ARID3A: variants seen among roughly 807,000 people sequenced by gnomAD.
ARID3A encodes the protein AT-rich interactive domain-containing protein 3A.
ARID3A carries 11 observed loss-of-function variants against 52.7 expected under a neutral mutation model. The observed-to-expected ratio is 0.21, with a 90% CI of 0.13 to 0.35. The LOEUF is 0.35. Among genes scored for constraint, ARID3A ranks in the 10% least tolerant of loss-of-function variants. ARID3A has a pLI of 1.00. For missense variants in ARID3A, 721 were observed against 838.5 expected (o/e 0.86, Z 1.73); for synonymous variants, 404 against 359.4 (o/e 1.12, Z -1.40).
intron 3 of ARID3A, among the ~76,000 whole-genome samples, chr19:946,887 G>C (rs939579560): frequency 1.3e-5 from 2 of 152,006 alleles, no homozygotes; most frequent in Non-Finnish European, 2.9e-5. Flanking sequence ...TCGAGCTCCT[G>C]GGCTCACGTG....
At chr19:956,240 C>T (rs777682689) in intron 3 of ARID3A, among the ~76,000 whole-genome samples, 10 of 152,152 alleles carry the variant, frequency 6.6e-5, no homozygotes, top group African/African-American at 1.2e-4. Context: ...CTGGCAAGCT[C>T]GTCCTGTCCC....
At chr19:937,409 A>G (rs2037459281) in intron 3 of ARID3A, among the ~76,000 whole-genome samples, 1 of 151,874 alleles carries the variant, frequency 6.6e-6, no homozygotes, top group Admixed American at 6.6e-5. Flanking sequence ...GCTGAGTCAT[A>G]CTCCGCTGGA....
In ARID3A at chr19:964,995, C is replaced by A; in HGVS notation, c.1113C>A (p.Ser371=). The A allele has an allele frequency of 6.2e-7, 1 of 1,613,810 alleles. No individual in the cohort carries two copies. Among genetic ancestry groups the A allele is most frequent in the Non-Finnish European group, 8.5e-7 (1 of 1,179,998 alleles). ...YSPGGAHGML[S]SPKLPVSSLG... ...CAGGCGGGGCACACGGCATGCTCTC[C>A]TCACCCAAGCTACCCGTGTCCTCCC... is the stretch of plus-strand genomic sequence containing the variant. The change falls in exon 6 of 9, where the codon TCC becomes TCA. Residue 371 remains serine (S), a synonymous_variant. Transcript: ENST00000263620. This position sits in a 1 kb window ranked among gnomAD's most constrained non-coding sequence, Gnocchi z 5.7.
chr19:947,093 C>T lies in ARID3A; in HGVS notation c.694-12999C>T, dbSNP rs965976215. ...CAAAGGTGGGAGCCACTGTGCCCAG[C>T]CCACACTGAGATTCTGCATTGAAAT... On this transcript the variant is annotated intron_variant, in intron 3 of 8. Transcript: ENST00000263620. This position sits in a 1 kb window ranked among gnomAD's most constrained non-coding sequence, Gnocchi z 6.3. Among the ~76,000 whole-genome samples, 15 of 152,116 alleles carry T rather than the reference C, an allele frequency of 9.9e-5. No homozygotes were observed. Among genetic ancestry groups the T allele is most frequent in the Non-Finnish European group, 1.8e-4 (12 of 68,016 alleles).
rs753131507 is a variant in ARID3A at position 971,933 on chromosome 19, A to AGGC, written c.1666_1668dup (p.Gly556dup). The AGGC allele has an allele frequency of 4.5e-5, 71 of 1,583,414 alleles. No homozygotes were observed. The East Asian group carries it at 5.6e-4, about 13-fold the overall frequency. On this transcript the variant is annotated inframe_insertion, in exon 9 of 9. Coordinates refer to ENST00000263620, the MANE Select transcript of ARID3A (RefSeq NM_005224.3). ...CGCCAACCTCTGCTCCCAACAAAGG[A>AGGC]GGCGGCGGCGGCGGCGGCAGCAGCA...
rs1819233025 is a variant in ARID3A at position 941,057 on chromosome 19, G to A, written c.693+8315G>A. ...GTCGGGTCACCGCCGCGGGGTCACC[G>A]CCGCCGCGGCCTGGCCCCACGCCCA... On this transcript the variant is annotated intron_variant, in intron 3 of 8. Coordinates refer to ENST00000263620, the MANE Select transcript of ARID3A (RefSeq NM_005224.3). The surrounding 1 kb of genome is among the most constrained non-coding windows in gnomAD (Gnocchi z 6.9). 6.6e-6 allele frequency among the ~76,000 whole-genome samples: 1 copy of A among 152,060 alleles called. No individual in the cohort carries two copies. Among genetic ancestry groups the A allele is most frequent in the Admixed American group, 6.5e-5 (1 of 15,276 alleles).
At chr19:945,950 G>T (rs2037670031) in intron 3 of ARID3A, among the ~76,000 whole-genome samples, 1 of 152,196 alleles carries the variant, frequency 6.6e-6, no homozygotes, top group African/African-American at 2.4e-5. Context: ...GGTCCCGTCT[G>T]CAGGGAACCC....
intron 3 of ARID3A, among the ~76,000 whole-genome samples, chr19:939,629 C>G (rs1307115383): frequency 6.6e-6 from 1 of 152,078 alleles, no homozygotes; most frequent in Non-Finnish European, 1.5e-5. Flanking sequence ...GGAGGTTCCT[C>G]CCGCCGCTGC....
rs200258163 is a variant in ARID3A, at chr19:970,505, T to TC, written c.1595-1373_1595-1372insC. On this transcript the variant is annotated intron_variant, in intron 8 of 8. Transcript: ENST00000263620. ...AGTAAATGAATAGTTTTTCTTTTTTTTTTTTTTTTTTTTTTTTTTTGAGAC... is the reference window on the plus strand; with the variant it reads ...AGTAAATGAATAGTTTTTCTTTTTTTCTTTTTTTTTTTTTTTTTTTTGAGAC... Among the ~76,000 whole-genome samples, 1,061 of 134,500 alleles carry TC rather than the reference T, an allele frequency of 7.9e-3. 48 individuals are homozygous for TC. The highest frequency in any genetic ancestry group is 0.052 in the Admixed American group (698 of 13,382). The allele number at this position is 134,500 out of a possible 152,430, so 88.2% of individuals were successfully genotyped here.
At position 941,826 on chromosome 19, in the gene ARID3A, G is replaced by A. The variant is rs962821929; in HGVS notation, c.693+9084G>A. On this transcript the variant is annotated intron_variant, in intron 3 of 8. Transcript: ENST00000263620. This position sits in a 1 kb window ranked among gnomAD's most constrained non-coding sequence, Gnocchi z 6.9. ...GTGTGTGTCAGGGGTGGCTGCAAGC[G>A]TATGTGTGTGTGCACGTCGAGGCTG... is the stretch of plus-strand genomic sequence containing the variant. Among the ~76,000 whole-genome samples, 12 of 116,932 alleles carry A rather than the reference G, an allele frequency of 1.0e-4. No homozygotes were observed. The highest frequency in any genetic ancestry group is 4.4e-4 in the Admixed American group (5 of 11,454). The allele number at this position is 116,932 out of a possible 152,430, so 76.7% of individuals were successfully genotyped here.
rs1051323226 is a variant in ARID3A, at chr19:941,687, A to G, written c.693+8945A>G. Among the ~76,000 whole-genome samples the G allele has an allele frequency of 6.6e-6, 1 of 151,892 alleles. No individual in the cohort carries two copies. Among genetic ancestry groups the G allele is most frequent in the Admixed American group, 6.6e-5 (1 of 15,232 alleles). ...GCCTGGTCTCAAACTCCTGGGCTCA[A>G]GTGATCCTCCCGCCTCGGTCTCTGA... On this transcript the variant is annotated intron_variant, in intron 3 of 8. Coordinates refer to ENST00000263620, the MANE Select transcript of ARID3A (RefSeq NM_005224.3). The surrounding 1 kb of genome is among the most constrained non-coding windows in gnomAD (Gnocchi z 6.9).
rs1189207933 is a variant in ARID3A, at chr19:932,759, CGCGTG to C, written c.693+21_693+25del. 6.5e-7 allele frequency: 1 copy of C among 1,546,208 alleles called. No homozygotes were observed. Among genetic ancestry groups the C allele is most frequent in the African/African-American group, 1.4e-5 (1 of 72,736 alleles). On this transcript the variant is annotated intron_variant, in intron 3 of 8. Transcript: ENST00000263620. ...TTTAAGCAGGTGAGTGGGCGCGTCC[CGCGTG>C]GCGGCTGAGGCACCTGCTCCTGGGC...
At chr19:948,266 T>C (rs1358194816) in intron 3 of ARID3A, among the ~76,000 whole-genome samples, 2 of 150,500 alleles carry the variant, frequency 1.3e-5, no homozygotes, top group Non-Finnish European at 3.0e-5. Flanking sequence ...CAGGAGGTGC[T>C]CAATAATGGC....
At chr19:951,217 A>C (rs1442525148) in intron 3 of ARID3A, among the ~76,000 whole-genome samples, 1 of 151,170 alleles carries the variant, frequency 6.6e-6, no homozygotes, top group Non-Finnish European at 1.5e-5. Context: ...TTGGCCTCCC[A>C]ACGTGCTGGG....
Position 932,340 on chromosome 19 carries a change from G to C in ARID3A, c.369-78G>C, listed in dbSNP as rs732140. The C allele has an allele frequency of 1.5e-3, 2,407 of 1,559,428 alleles. 32 individuals carry two copies. In the African/African-American group the frequency reaches 0.031, roughly 20 times the overall value. ...ATTTCCAGAGAGGGAAACTGAGGCT[G>C]GGCGGGGAGTGGGTCTTTCCTTGGG... is the stretch of plus-strand genomic sequence containing the variant. On this transcript the variant is annotated intron_variant, in intron 2 of 8. Transcript: ENST00000263620.
At chr19:951,893 C>T (rs764051092) in intron 3 of ARID3A, among the ~76,000 whole-genome samples, 9 of 151,266 alleles carry the variant, frequency 5.9e-5, no homozygotes, top group Non-Finnish European at 1.0e-4. Context: ...CCCAGCACTT[C>T]GAGAGGCAGA....
chr19:936,366 G>A (rs962301147), intron 3 of ARID3A, among the ~76,000 whole-genome samples: 1 of 151,932 alleles, frequency 6.6e-6, no homozygotes, highest in Non-Finnish European at 1.5e-5. Flanking sequence ...CAGCCTGGGC[G>A]GTATAGCAAG....
rs1339690164 is a variant in ARID3A, at chr19:964,577, G to C, written c.950+146G>C. 6 of 1,252,212 alleles carry C rather than the reference G, an allele frequency of 4.8e-6. No individual in the cohort carries two copies. The highest frequency in any genetic ancestry group is 6.5e-6 in the Non-Finnish European group (6 of 927,024). 77.6% of individuals were successfully genotyped at this position (1,252,212 alleles called of 1,614,324 possible). On this transcript the variant is annotated intron_variant, in intron 5 of 8. Transcript: ENST00000263620. This position sits in a 1 kb window ranked among gnomAD's most constrained non-coding sequence, Gnocchi z 5.7. ...CAAAGGGCACAGGGCCACACCGTGCGTCCAGGGCCCGAGAGCGTCAAGTAG... is the reference window on the plus strand; with the variant it reads ...CAAAGGGCACAGGGCCACACCGTGCCTCCAGGGCCCGAGAGCGTCAAGTAG...
At position 942,304 on chromosome 19, in the gene ARID3A, TG is replaced by T. The variant is rs2037573431; in HGVS notation, c.693+9566del. Among the ~76,000 whole-genome samples, 1 of 152,144 alleles carries T rather than the reference TG, an allele frequency of 6.6e-6. No homozygotes were observed. Among genetic ancestry groups the T allele is most frequent in the Non-Finnish European group, 1.5e-5 (1 of 68,008 alleles). ...AAATTACCTGACTGTCGATCCTGAC[TG>T]GGGCGGTGGCGACATGGCCCCCGCA... On this transcript the variant is annotated intron_variant, in intron 3 of 8. Coordinates refer to ENST00000263620, the MANE Select transcript of ARID3A (RefSeq NM_005224.3). The surrounding 1 kb of genome is among the most constrained non-coding windows in gnomAD (Gnocchi z 8.1).
Sources: allele counts gnomAD v4.1 joint callset (sites outside exome capture counted in the v4.1 genomes callset), GRCh38; gene constraint gnomAD v4.1.1; non-coding constraint Gnocchi (gnomAD v3.1); transcripts MANE v1.5; gene names NCBI Gene and HGNC (gene_info 2026-07-23, HGNC 2026-07-21).